MAP1B: variants seen among roughly 807,000 people sequenced by gnomAD.
MAP1B encodes microtubule-associated protein 1B.
In MAP1B, 12 loss-of-function variants were observed where a neutral mutation model predicts 176.1. The ratio of observed to expected loss-of-function variants is 0.07; its 90% CI spans 0.04 to 0.11. The LOEUF (loss-of-function observed/expected upper bound fraction) is 0.11. Among genes scored for constraint, MAP1B ranks in the 10% least tolerant of loss-of-function variants. The probability of loss-of-function intolerance (pLI) is 1.00; values close to 1 mark genes in which losing one functional copy is unlikely to be tolerated. For synonymous variants in MAP1B, 1,044 were observed against 1,135.0 expected (o/e 0.92, Z 1.61); for missense variants, 2,523 against 2,990.5 (o/e 0.84, Z 3.65).
intron 2 of MAP1B, among the ~76,000 whole-genome samples, chr5:72,121,915 C>A (rs1242018070): frequency 1.3e-5 from 2 of 152,318 alleles, no homozygotes; most frequent in East Asian, 3.9e-4. Flanking sequence ...CCTCAGGGAA[C>A]CTGCAATTTC....
intron 2 of MAP1B, among the ~76,000 whole-genome samples, chr5:72,153,647 C>T (rs1746182223): frequency 2.0e-5 from 3 of 152,018 alleles, no homozygotes; most frequent in African/African-American, 7.2e-5. Flanking sequence ...CTTAAGAATA[C>T]AAACCCTTGA....
chr5:72,198,690 T>A lies in MAP1B; in HGVS notation c.5335T>A (p.Ser1779Thr). 1.9e-6 allele frequency: 3 copies of A among 1,614,164 alleles called. No homozygotes were observed. The highest frequency in any genetic ancestry group is 2.5e-6 in the Non-Finnish European group (3 of 1,180,034). ...GCAAAGTCTGGAAGGAGAGAAGCTC[T>A]CTCCAAAATCTGATATCTCTCCACT... is the stretch of plus-strand genomic sequence containing the variant. ...KVQSLEGEKL[S>T]PKSDISPLTP... Residue 1779 changes from serine to threonine, a missense_variant, in exon 5 of 7, where the codon TCT (serine) becomes ACT (threonine). By Grantham distance (58) the Ser-to-Thr change is moderately conservative. Transcript: ENST00000296755.
At chr5:72,181,393 A>G (rs1245803279) in intron 2 of MAP1B, among the ~76,000 whole-genome samples, 1 of 152,130 alleles carries the variant, frequency 6.6e-6, no homozygotes, top group Non-Finnish European at 1.5e-5. Flanking sequence ...TAGTTTGCAT[A>G]CCATACAATT....
chr5:72,197,120 G>A lies in MAP1B; in HGVS notation c.3765G>A (p.Lys1255=), dbSNP rs763485960. The A allele has an allele frequency of 3.7e-6, 6 of 1,614,216 alleles. No individual in the cohort carries two copies. In the South Asian group the frequency reaches 6.6e-5, roughly 18 times the overall value. ...AVSSEKVSPS[K]SPSLSPSPPS... ...CAAGTGAAAAGGTCAGCCCATCGAA[G>A]AGCCCGTCCCTGAGTCCATCTCCAC... The change falls in exon 5 of 7, where the codon AAG becomes AAA. Residue 1255 remains lysine (K), a synonymous_variant. Transcript: ENST00000296755.
intron 2 of MAP1B, among the ~76,000 whole-genome samples, chr5:72,159,048 C>G (rs1485500677): frequency 6.6e-6 from 1 of 152,026 alleles, no homozygotes; most frequent in African/African-American, 2.4e-5. Context: ...GATTGAGGAA[C>G]CTGAGGGTCA....
At chr5:72,163,172 G>A (rs35340505) in intron 2 of MAP1B, among the ~76,000 whole-genome samples, 5,342 of 142,696 alleles carry the variant, frequency 0.037, 157 homozygotes, top group South Asian at 0.062. Context: ...AGGTTGTGGT[G>A]AGCCAATATC....
rs796949415 is a variant in MAP1B, at chr5:72,193,442, G to GT, written c.511-415dup. ...CAGCTTTCTCTTGTGATAGTTTAAC[G>GT]TTTTTTTTTAAAGGGCATCTTTGCC... On this transcript the variant is annotated intron_variant, in intron 4 of 6. Transcript: ENST00000296755. 1,084 of 291,134 alleles carry GT rather than the reference G, an allele frequency of 3.7e-3. 1 individual carries two copies. Among genetic ancestry groups the GT allele is most frequent in the African/African-American group, 0.011 (496 of 43,616 alleles). 18.0% of individuals were successfully genotyped at this position (291,134 alleles called of 1,614,324 possible).
At chr5:72,115,993 T>C (rs1006821196) in intron 2 of MAP1B, 194 bp downstream of exon 2, 4 of 504,540 alleles carry the variant, frequency 7.9e-6, no homozygotes, top group African/African-American at 7.8e-5. Context: ...GGTTATCTAT[T>C]TTGTGGATTC....
In MAP1B at chr5:72,193,907, C is replaced by G; in HGVS notation, c.552C>G (p.Ala184=). Residue 184 remains alanine (A), a synonymous_variant, in exon 5 of 7, where the codon GCC becomes GCG. Coordinates refer to ENST00000296755, the MANE Select transcript of MAP1B (RefSeq NM_005909.5). ...LLSTTHPANK[A]SLTLFCPEEG... is the part of the protein sequence containing the mutation. ...GCACCACCCATCCTGCCAACAAAGC[C>G]AGCTTAACCCTGTTCTGTCCTGAAG... The G allele has an allele frequency of 1.9e-6, 3 of 1,607,476 alleles. No individual in the cohort carries two copies. Among genetic ancestry groups the G allele is most frequent in the Non-Finnish European group, 2.5e-6 (3 of 1,177,790 alleles).
At position 72,118,897 on chromosome 5, in the gene MAP1B, GT is replaced by G. The variant is rs530565292; in HGVS notation, c.286+3100del. ...CTTTTGTTGTTTTTTAATAATTGGA[GT>G]TCACTTGTAAAGACTGAAGATAGCC... On this transcript the variant is annotated intron_variant, in intron 2 of 6. Transcript: ENST00000296755. 2.0e-5 allele frequency among the ~76,000 whole-genome samples: 3 copies of G among 152,320 alleles called. No individual in the cohort carries two copies. In the South Asian group the frequency reaches 6.2e-4, roughly 32 times the overall value.
At chr5:72,110,435 G>A (rs896858957) in intron 1 of MAP1B, among the ~76,000 whole-genome samples, 217 of 152,318 alleles carry the variant, frequency 1.4e-3, no homozygotes, top group African/African-American at 5.1e-3. Context: ...CAAGATGCAG[G>A]CCCTTCCAGC....
intron 2 of MAP1B, among the ~76,000 whole-genome samples, chr5:72,174,888 C>CTTCT (rs1182500874): frequency 1.5e-4 from 22 of 149,624 alleles, no homozygotes; most frequent in African/African-American, 3.7e-4. Context: ...TCCTTCCTTC[C>CTTCT]TTCCTTCCCT....
At chr5:72,152,939 G>A (rs1278286853) in intron 2 of MAP1B, among the ~76,000 whole-genome samples, 1 of 152,132 alleles carries the variant, frequency 6.6e-6, no homozygotes, top group South Asian at 2.1e-4. Context: ...AAGCAGCAAC[G>A]CAATTCCACC....
At chr5:72,167,608 A>G (rs950155761) in intron 2 of MAP1B, among the ~76,000 whole-genome samples, 1 of 152,248 alleles carries the variant, frequency 6.6e-6, no homozygotes, top group Non-Finnish European at 1.5e-5. Context: ...CATTCTTTAA[A>G]TCAAATAAAA....
intron 1 of MAP1B, among the ~76,000 whole-genome samples, chr5:72,110,652 C>G (rs918007637): frequency 2.0e-5 from 3 of 152,232 alleles, no homozygotes; most frequent in African/African-American, 4.8e-5. Flanking sequence ...TCCAGGGGGG[C>G]CAGCTCTGAT....
intron 2 of MAP1B, among the ~76,000 whole-genome samples, chr5:72,134,714 C>T (rs1745800776): frequency 1.3e-5 from 2 of 151,938 alleles, no homozygotes; most frequent in Middle Eastern, 3.4e-3. Context: ...GAAATCTCCT[C>T]CTTTTCTTAC....
Position 72,194,668 on chromosome 5 carries a change from T to C in MAP1B, c.1313T>C (p.Met438Thr). The part of the protein sequence containing the change: ...VKSSKEMQYF[M>T]QQWTGTNKDK... ...AGCAGCAAGGAAATGCAGTATTTTA[T>C]GCAGCAGTGGACTGGTACCAACAAA... Residue 438 changes from methionine to threonine, a missense_variant, in exon 5 of 7, where the codon ATG (methionine) becomes ACG (threonine). Met to Thr is a moderately conservative substitution (Grantham distance 81). Transcript: ENST00000296755. This position sits in a 1 kb window ranked among gnomAD's most constrained non-coding sequence, Gnocchi z 7.2. The C allele has an allele frequency of 6.2e-7, 1 of 1,614,232 alleles. No individual in the cohort carries two copies. Among genetic ancestry groups the C allele is most frequent in the South Asian group, 1.1e-5 (1 of 91,088 alleles).
intron 2 of MAP1B, among the ~76,000 whole-genome samples, chr5:72,131,537 G>T (rs549817010): frequency 3.1e-4 from 47 of 152,244 alleles, no homozygotes; most frequent in South Asian, 2.7e-3. Context: ...CCACTACTCT[G>T]CTCTGAGTTA....
At position 72,196,976 on chromosome 5, in the gene MAP1B, A is replaced by G; in HGVS notation, c.3621A>G (p.Ile1207Met). 6.2e-7 allele frequency: 1 copy of G among 1,614,228 alleles called. No individual in the cohort carries two copies. Among genetic ancestry groups the G allele is most frequent in the Non-Finnish European group, 8.5e-7 (1 of 1,180,042 alleles). The change falls in exon 5 of 7, where the codon ATA becomes ATG. Residue 1207 changes from isoleucine (I) to methionine (M), a missense_variant. Physicochemically the swap from Ile to Met is conservative, Grantham distance 10. This residue lies in a region of MAP1B where 1,925 missense variants were observed against 2,126.0 expected (regional missense o/e 0.91). Coordinates refer to ENST00000296755, the MANE Select transcript of MAP1B (RefSeq NM_005909.5). This position sits in a 1 kb window ranked among gnomAD's most constrained non-coding sequence, Gnocchi z 5.3. ...ATTACAATGCTTCAGCCTCTACCATATCACCACCCTCTTCCATGGAGGAAG... is the reference window on the plus strand; with the variant it reads ...ATTACAATGCTTCAGCCTCTACCATGTCACCACCCTCTTCCATGGAGGAAG... ...GKDYNASAST[I>M]SPPSSMEEDK...
Sources: gnomAD v4.1 joint callset for allele counts (sites outside exome capture counted in the v4.1 genomes callset) on GRCh38, gnomAD v4.1.1 for gene constraint, gnomAD v4.1.1 regional missense constraint, Gnocchi (gnomAD v3.1) non-coding constraint, MANE v1.5 for transcripts, NCBI Gene and HGNC (gene_info 2026-07-23, HGNC 2026-07-21) for gene names.